CUL3: variants seen among roughly 807,000 people sequenced by gnomAD.
CUL3 encodes cullin-3.
A neutral mutation model predicts 89.1 loss-of-function variants in CUL3; 19 were observed. That is an observed-to-expected ratio of 0.21 (90% CI 0.15 to 0.31). The LOEUF is 0.31. Among genes scored for constraint, CUL3 ranks in the 10% least tolerant of loss-of-function variants. The pLI, the probability that CUL3 is intolerant of heterozygous loss-of-function variation, is 1.00. For synonymous variants in CUL3, 351 were observed against 308.4 expected (o/e 1.14, Z -1.45); for missense variants, 469 against 942.3 (o/e 0.50, Z 6.58).
chr2:224,572,817 T>C (rs1010646666), intron 1 of CUL3, among the ~76,000 whole-genome samples: 12 of 152,070 alleles, frequency 7.9e-5, no homozygotes, highest in Admixed American at 5.9e-4. Flanking sequence ...GAGAGGACAA[T>C]GCATCAAGAC....
In CUL3 at chr2:224,506,025, G is replaced by A. The variant is rs1175604288; in HGVS notation, c.1137C>T (p.Asn379=). The change falls in exon 8 of 16, where the codon AAC becomes AAT. Residue 379 remains asparagine, a synonymous_variant. Coordinates refer to ENST00000264414, the MANE Select transcript of CUL3 (RefSeq NM_003590.5). The part of the protein sequence containing the change: ...TIAGDFEYFL[N]LNSRSPEYLS... ...GGTATTCAGGAGACCTGGAGTTGAG[G>A]TTGAGAAAATACTCAAAGTCACCCG... The A allele has an allele frequency of 1.9e-6, 3 of 1,612,228 alleles. No individual in the cohort carries two copies. The highest frequency in any genetic ancestry group is 2.2e-5 in the South Asian group (2 of 90,814).
Position 224,472,297 on chromosome 2 carries a change from T to C in CUL3, c.*1948A>G. ...AATGGCTTAAACTAGCACTAAAATG[T>C]TTAATGTCTCACTTAGGAGATTTCA... is the stretch of plus-strand genomic sequence containing the variant. On this transcript the variant is annotated 3_prime_UTR_variant, in exon 16 of 16. Transcript: ENST00000264414. The C allele has an allele frequency of 4.6e-6, 1 of 215,246 alleles. No individual in the cohort carries two copies. The highest frequency in any genetic ancestry group is 9.4e-6 in the Non-Finnish European group (1 of 106,788). The allele number at this position is 215,246 out of a possible 1,614,324, so 13.3% of individuals were successfully genotyped here.
At position 224,478,126 on chromosome 2, in the gene CUL3, T is replaced by G. The variant is rs980293588; in HGVS notation, c.2175+74A>C. The G allele has an allele frequency of 9.1e-6, 13 of 1,427,448 alleles. No homozygotes were observed. The African/African-American group carries it at 1.9e-4, about 21-fold the overall frequency. 88.4% of individuals were successfully genotyped at this position (1,427,448 alleles called of 1,614,324 possible). A position where few individuals can be genotyped will look rare whatever the true frequency, so the allele number is the denominator to read the frequency against. On this transcript the variant is annotated intron_variant, in intron 15 of 15. Transcript: ENST00000264414. Reference sequence around the variant, plus strand: ...CTTAATTGTAAAATTGTTTTTAAAATTAGTTGAATACAATAATTTTGTTAA... The same window carrying G: ...CTTAATTGTAAAATTGTTTTTAAAAGTAGTTGAATACAATAATTTTGTTAA...
chr2:224,570,421 C>T (rs964031562), intron 1 of CUL3, among the ~76,000 whole-genome samples: 1 of 152,174 alleles, frequency 6.6e-6, no homozygotes, highest in Admixed American at 6.6e-5. Context: ...AGACGGTGGA[C>T]TGTGGGGTAA....
chr2:224,475,625 C>T (rs749509918), intron 15 of CUL3, among the ~76,000 whole-genome samples: 3 of 152,150 alleles, frequency 2.0e-5, no homozygotes, highest in Non-Finnish European at 2.9e-5. Flanking sequence ...ACTCCTGTAT[C>T]GACAAACTTG....
intron 2 of CUL3, among the ~76,000 whole-genome samples, chr2:224,549,148 A>G (rs376162028): frequency 1.1e-4 from 16 of 152,028 alleles, no homozygotes; most frequent in African/African-American, 2.7e-4. Flanking sequence ...AAAACACCAT[A>G]TTTACTAAAA....
intron 9 of CUL3, among the ~76,000 whole-genome samples, chr2:224,503,370 C>A (rs1256610605): frequency 1.3e-5 from 2 of 152,166 alleles, no homozygotes; most frequent in Non-Finnish European, 2.9e-5. Flanking sequence ...TGAAAAAGAA[C>A]TACACAGCAT....
At chr2:224,497,918 A>G in intron 11 of CUL3, 69 bp from the exon 12 acceptor site, 3 of 1,156,018 alleles carry the variant, frequency 2.6e-6, no homozygotes, top group South Asian at 2.5e-5. Flanking sequence ...AAACTACAGG[A>G]TAACATCCCT....
intron 1 of CUL3, among the ~76,000 whole-genome samples, chr2:224,566,063 G>A (rs1443809143): frequency 6.6e-6 from 1 of 152,012 alleles, no homozygotes; most frequent in Non-Finnish European, 1.5e-5. Context: ...GGTCCTTATT[G>A]ACCCCCCACC....
chr2:224,575,034 G>T (rs1042198131), intron 1 of CUL3, among the ~76,000 whole-genome samples: 1 of 152,190 alleles, frequency 6.6e-6, no homozygotes, highest in African/African-American at 2.4e-5. Context: ...ACAGGAAAAA[G>T]ACATTTTCCT....
chr2:224,579,396 C>T (rs755925854), intron 1 of CUL3, among the ~76,000 whole-genome samples: 2 of 151,806 alleles, frequency 1.3e-5, no homozygotes, highest in Non-Finnish European at 2.9e-5. Context: ...ACTATGCCAA[C>T]AACTACCTTC....
chr2:224,521,655 C>T (rs1227756513), intron 3 of CUL3, among the ~76,000 whole-genome samples: 3 of 152,078 alleles, frequency 2.0e-5, no homozygotes, highest in Non-Finnish European at 4.4e-5. Flanking sequence ...TGGTCTCTAA[C>T]TCCTGACCCG....
At chr2:224,509,563 G>C (rs1692735059) in intron 6 of CUL3, among the ~76,000 whole-genome samples, 1 of 152,210 alleles carries the variant, frequency 6.6e-6, no homozygotes. Context: ...GATAGCTACT[G>C]TGTTGTTGGA....
chr2:224,476,210 T>C (rs1204429250), intron 15 of CUL3, among the ~76,000 whole-genome samples: 1 of 151,912 alleles, frequency 6.6e-6, no homozygotes, highest in East Asian at 1.9e-4. Flanking sequence ...TAGGACGGGG[T>C]TTCGCTGTGT....
chr2:224,564,725 C>T (rs906797416), intron 1 of CUL3, among the ~76,000 whole-genome samples: 4 of 152,064 alleles, frequency 2.6e-5, no homozygotes, highest in Admixed American at 1.3e-4. Context: ...ATACTGCCTG[C>T]CCAGATCTTC....
intron 1 of CUL3, among the ~76,000 whole-genome samples, chr2:224,563,507 A>G (rs945447426): frequency 2.0e-5 from 3 of 152,220 alleles, no homozygotes; most frequent in Non-Finnish European, 2.9e-5. Flanking sequence ...AAGTTTGTCC[A>G]TATCTTAAAG....
intron 1 of CUL3, chr2:224,563,041 C>G (rs748570786): frequency 6.8e-5 from 24 of 351,268 alleles, no homozygotes; most frequent in Non-Finnish European, 1.2e-4. Flanking sequence ...CATGCATCAA[C>G]AAAGGAAAGT....
At chr2:224,497,637 T>C (rs375096061) in intron 12 of CUL3, 116 bp downstream of exon 12, 1 of 737,188 alleles carries the variant, frequency 1.4e-6, no homozygotes. Flanking sequence ...CTTTCTAACA[T>C]GTGAGACAGG....
intron 3 of CUL3, among the ~76,000 whole-genome samples, chr2:224,516,134 C>T (rs1310782153): frequency 6.6e-6 from 1 of 152,016 alleles, no homozygotes. Context: ...TTCTTCAGTG[C>T]TCACATTTCT....
Sources: allele counts gnomAD v4.1 joint callset (sites outside exome capture counted in the v4.1 genomes callset), GRCh38; gene constraint gnomAD v4.1.1; transcripts MANE v1.5; gene names NCBI Gene and HGNC (gene_info 2026-07-23, HGNC 2026-07-21).